Variants in GNA14 observed in about 807,000 individuals in gnomAD.
GNA14 encodes guanine nucleotide-binding protein subunit alpha-14.
In GNA14, 50 loss-of-function variants were observed where a neutral mutation model predicts 42.0. That is an observed-to-expected ratio of 1.19 (90% CI 0.95 to 1.51). The LOEUF (loss-of-function observed/expected upper bound fraction) is 1.51, where lower values mean the gene tolerates loss of function less well. GNA14 is among the 40% of genes most tolerant of loss of function. The pLI is 0.00. For missense variants in GNA14, 473 were observed against 446.2 expected (o/e 1.06, Z -0.54); for synonymous variants, 173 against 163.1 (o/e 1.06, Z -0.46).
intron 2 of GNA14, among the ~76,000 whole-genome samples, chr9:77,473,290 C>G (rs2131722538): frequency 6.6e-6 from 1 of 152,210 alleles, no homozygotes; most frequent in East Asian, 1.9e-4. Flanking sequence ...AAACCCATCT[C>G]TACAAAAAAT....
intron 1 of GNA14, among the ~76,000 whole-genome samples, chr9:77,558,250 T>G (rs1456793402): frequency 6.6e-6 from 1 of 152,026 alleles, no homozygotes; most frequent in Non-Finnish European, 1.5e-5. Context: ...AATCTGCACT[T>G]TCACATTGTC....
intron 1 of GNA14, among the ~76,000 whole-genome samples, chr9:77,603,849 C>T (rs1006623970): frequency 2.3e-4 from 33 of 143,570 alleles, no homozygotes; most frequent in African/African-American, 7.2e-4. Context: ...GAGGCTGAGG[C>T]GGGAGAATGG....
chr9:77,466,664 T>G (rs1836233155), intron 2 of GNA14, among the ~76,000 whole-genome samples: 1 of 152,188 alleles, frequency 6.6e-6, no homozygotes, highest in East Asian at 1.9e-4. Flanking sequence ...TAGGTCACAC[T>G]TTGTTATTTG....
intron 2 of GNA14, among the ~76,000 whole-genome samples, chr9:77,502,088 T>C (rs1355790556): frequency 6.6e-6 from 1 of 152,220 alleles, no homozygotes; most frequent in African/African-American, 2.4e-5. Flanking sequence ...AGCCAATCCA[T>C]TGAGTATATT....
chr9:77,617,206 T>G (rs185600666), intron 1 of GNA14, among the ~76,000 whole-genome samples: 18 of 152,200 alleles, frequency 1.2e-4, no homozygotes, highest in Admixed American at 5.9e-4. Context: ...GAATGGGATA[T>G]TCACAATTAT....
At chr9:77,489,642 C>T (rs530491110) in intron 2 of GNA14, among the ~76,000 whole-genome samples, 136 of 152,114 alleles carry the variant, frequency 8.9e-4, no homozygotes, top group Non-Finnish European at 1.3e-3. Flanking sequence ...GAGTTTCTTC[C>T]TTCTGGTGGG....
intron 1 of GNA14, among the ~76,000 whole-genome samples, chr9:77,641,104 GGAAGGAAGGAAGGAAGGAAGGAAGGA>G (rs1824258282): frequency 4.8e-4 from 1 of 2,078 alleles, no homozygotes. Context: ...GGGGGGGGAA[GGAAGGAAGGAAGGAAGGAAGGAAGGA>G]AGGAAGGAAG....
intron 2 of GNA14, among the ~76,000 whole-genome samples, chr9:77,435,347 ACT>A: frequency 6.6e-6 from 1 of 151,778 alleles, no homozygotes; most frequent in Admixed American, 6.6e-5. Context: ...ACAGAGCGAG[ACT>A]CTGTCTCCAA....
chr9:77,576,180 G>C (rs1035492884), intron 1 of GNA14, among the ~76,000 whole-genome samples: 3 of 152,148 alleles, frequency 2.0e-5, no homozygotes, highest in Non-Finnish European at 4.4e-5. Flanking sequence ...CTTGTTAAGG[G>C]AGAGAGATTG....
chr9:77,431,527 C>A, intron 3 of GNA14, 78 bp from the exon 4 acceptor site: 1 of 1,362,122 alleles, frequency 7.3e-7, no homozygotes, highest in Non-Finnish European at 1.0e-6. Flanking sequence ...GGAAGTCACC[C>A]CCCACTCACA....
intron 1 of GNA14, among the ~76,000 whole-genome samples, chr9:77,587,366 A>C (rs750556084): frequency 6.6e-5 from 10 of 152,348 alleles, no homozygotes; most frequent in Middle Eastern, 3.4e-3. Flanking sequence ...TCATAGCAGC[A>C]CTATTCACAA....
chr9:77,483,330 G>C (rs528926147), intron 2 of GNA14, among the ~76,000 whole-genome samples: 1 of 152,332 alleles, frequency 6.6e-6, no homozygotes, highest in East Asian at 1.9e-4. Context: ...TCCAGACCCT[G>C]TTTGCCTGGG....
At chr9:77,576,175 T>C (rs1823125506) in intron 1 of GNA14, among the ~76,000 whole-genome samples, 2 of 152,140 alleles carry the variant, frequency 1.3e-5, no homozygotes, top group South Asian at 4.1e-4. Context: ...CATGGCTTGT[T>C]AAGGGAGAGA....
intron 2 of GNA14, among the ~76,000 whole-genome samples, chr9:77,514,608 AT>A (rs34158312): frequency 0.023 from 3,176 of 136,016 alleles, 49 homozygotes; most frequent in African/African-American, 0.082. Context: ...ATAATATCAG[AT>A]TTTTTTTTTT....
intron 1 of GNA14, among the ~76,000 whole-genome samples, chr9:77,609,332 T>C (rs1823692882): frequency 6.6e-6 from 1 of 152,200 alleles, no homozygotes; most frequent in Admixed American, 6.5e-5. Flanking sequence ...ATGTCCATAT[T>C]TCTACCAGCA....
chr9:77,522,072 G>A (rs923571379), intron 2 of GNA14, among the ~76,000 whole-genome samples: 2 of 152,136 alleles, frequency 1.3e-5, no homozygotes, highest in East Asian at 1.9e-4. Flanking sequence ...CCTGACCTCA[G>A]GCGATCTTCC....
At chr9:77,513,128 G>A (rs1479514789) in intron 2 of GNA14, among the ~76,000 whole-genome samples, 1 of 152,140 alleles carries the variant, frequency 6.6e-6, no homozygotes, top group Non-Finnish European at 1.5e-5. Context: ...CAGGGACAAA[G>A]GAATTTATAA....
At chr9:77,566,607 C>CAAAT (rs1194094670) in intron 1 of GNA14, among the ~76,000 whole-genome samples, 1 of 152,132 alleles carries the variant, frequency 6.6e-6, no homozygotes, top group African/African-American at 2.4e-5. Flanking sequence ...CTTTAAAGAA[C>CAAAT]AAATAAATAA....
At chr9:77,543,720 C>A (rs1301471300) in intron 1 of GNA14, among the ~76,000 whole-genome samples, 1 of 152,138 alleles carries the variant, frequency 6.6e-6, no homozygotes. Context: ...GGCTACCTTG[C>A]TTCCCTCTCC....
Sources: allele counts gnomAD v4.1 joint callset (sites outside exome capture counted in the v4.1 genomes callset), GRCh38; gene constraint gnomAD v4.1.1; transcripts MANE v1.5; gene names NCBI Gene and HGNC (gene_info 2026-07-23, HGNC 2026-07-21).